HECW2: variants seen among roughly 807,000 people sequenced by gnomAD.
The protein encoded by HECW2 is E3 ubiquitin-protein ligase HECW2.
In HECW2, 61 loss-of-function variants were observed where a neutral mutation model predicts 175.2. The ratio of observed to expected loss-of-function variants is 0.35; its 90% CI spans 0.28 to 0.43. The LOEUF (loss-of-function observed/expected upper bound fraction) is 0.43. Ranked by LOEUF, HECW2 falls within the 20% of genes least tolerant of loss-of-function variation. The probability of loss-of-function intolerance (pLI) is 1.00; values close to 1 mark genes in which losing one functional copy is unlikely to be tolerated. For missense variants in HECW2, 1,524 were observed against 2,000.5 expected (o/e 0.76, Z 4.54); for synonymous variants, 671 against 731.0 (o/e 0.92, Z 1.32).
chr2:196,373,024 C>A (rs192106875), intron 2 of HECW2, among the ~76,000 whole-genome samples: 179 of 152,292 alleles, frequency 1.2e-3, no homozygotes, highest in African/African-American at 4.0e-3. Flanking sequence ...CAGCACACGA[C>A]CTGGTGCAGA....
At chr2:196,336,951 A>C (rs944384819) in intron 3 of HECW2, among the ~76,000 whole-genome samples, 1 of 152,074 alleles carries the variant, frequency 6.6e-6, no homozygotes, top group Non-Finnish European at 1.5e-5. Flanking sequence ...AGAGGAAAAC[A>C]GTCCTGGACA....
chr2:196,365,281 C>G (rs1266793742), intron 2 of HECW2, among the ~76,000 whole-genome samples: 2 of 152,202 alleles, frequency 1.3e-5, no homozygotes, highest in African/African-American at 4.8e-5. Context: ...TTCAGCAGTG[C>G]CTCCTCCACC....
chr2:196,406,133 T>C (rs1340028220), intron 2 of HECW2, among the ~76,000 whole-genome samples: 1 of 152,172 alleles, frequency 6.6e-6, no homozygotes, highest in Non-Finnish European at 1.5e-5. Flanking sequence ...TCCAGCTCCA[T>C]CTATGTGCCA....
At chr2:196,252,676 G>A (rs1037188105) in intron 19 of HECW2, among the ~76,000 whole-genome samples, 1 of 152,172 alleles carries the variant, frequency 6.6e-6, no homozygotes, top group Admixed American at 6.5e-5. Flanking sequence ...TGTACAGTCT[G>A]CAAAACCATA....
intron 2 of HECW2, among the ~76,000 whole-genome samples, chr2:196,403,065 C>T (rs113237923): frequency 1.3e-5 from 2 of 152,128 alleles, no homozygotes; most frequent in African/African-American, 4.8e-5. Flanking sequence ...CCTTGGCCTC[C>T]CAAGTGCTGG....
intron 2 of HECW2, among the ~76,000 whole-genome samples, chr2:196,404,971 T>A (rs979728178): frequency 6.9e-6 from 1 of 145,176 alleles, no homozygotes; most frequent in Non-Finnish European, 1.5e-5. Context: ...ACTACAGGTG[T>A]CCGCCACCAC....
intron 1 of HECW2, among the ~76,000 whole-genome samples, chr2:196,521,453 CATTTT>C (rs534367173): frequency 4.2e-4 from 63 of 151,794 alleles, no homozygotes; most frequent in South Asian, 1.9e-3. Context: ...TGAATCCCTT[CATTTT>C]ATTTTATTTT....
At chr2:196,496,669 A>T (rs1362107295) in intron 1 of HECW2, among the ~76,000 whole-genome samples, 1 of 152,204 alleles carries the variant, frequency 6.6e-6, no homozygotes, top group African/African-American at 2.4e-5. Context: ...CAAGCAGCTT[A>T]TGTTGCTTTA....
In HECW2 at chr2:196,245,231, A is replaced by G. The variant is rs1688603319; in HGVS notation, c.3530-3027T>C. On this transcript the variant is annotated intron_variant, in intron 19 of 28. Coordinates refer to ENST00000644978, the MANE Select transcript of HECW2 (RefSeq NM_001348768.2). ...ACTTGTTAAGCGCCTGCTGTACATTACAGATGATGCACGTTACACAGGGGA... is the reference window on the plus strand; with the variant it reads ...ACTTGTTAAGCGCCTGCTGTACATTGCAGATGATGCACGTTACACAGGGGA... 2.0e-5 allele frequency among the ~76,000 whole-genome samples: 3 copies of G among 152,260 alleles called. No homozygotes were observed. In the South Asian group the frequency reaches 6.2e-4, roughly 32 times the overall value.
chr2:196,273,235 T>G (rs1291522018), intron 16 of HECW2, among the ~76,000 whole-genome samples: 1 of 151,972 alleles, frequency 6.6e-6, no homozygotes, highest in Non-Finnish European at 1.5e-5. Flanking sequence ...GCCTGGCTAA[T>G]TTTTTGTATT....
chr2:196,212,151 A>G (rs889269356), intron 28 of HECW2, among the ~76,000 whole-genome samples: 1 of 149,770 alleles, frequency 6.7e-6, no homozygotes, highest in Admixed American at 6.6e-5. Context: ...TTCATTTTTT[A>G]AGTAAGAAGG....
intron 1 of HECW2, among the ~76,000 whole-genome samples, chr2:196,527,220 G>C (rs141301349): frequency 6.6e-6 from 1 of 152,182 alleles, no homozygotes; most frequent in African/African-American, 2.4e-5. Flanking sequence ...CGCAATATTC[G>C]GGTGGGAGTG....
chr2:196,450,846 G>A (rs1696326026), intron 1 of HECW2, among the ~76,000 whole-genome samples: 1 of 152,048 alleles, frequency 6.6e-6, no homozygotes, highest in African/African-American at 2.4e-5. Context: ...GAGAACTGCT[G>A]ACATAAGAAA....
chr2:196,205,885 CA>C (rs1248214053), intron 28 of HECW2, among the ~76,000 whole-genome samples: 4 of 152,060 alleles, frequency 2.6e-5, no homozygotes, highest in Non-Finnish European at 5.9e-5. Context: ...GCAGAAATTT[CA>C]AAACTCCTTA....
At chr2:196,516,659 T>A (rs1688159972) in intron 1 of HECW2, among the ~76,000 whole-genome samples, 1 of 152,212 alleles carries the variant, frequency 6.6e-6, no homozygotes, top group African/African-American at 2.4e-5. Context: ...AAAATATTGA[T>A]CTACCCCAAA....
At chr2:196,525,475 A>G (rs1375775130) in intron 1 of HECW2, among the ~76,000 whole-genome samples, 1 of 148,968 alleles carries the variant, frequency 6.7e-6, no homozygotes, top group African/African-American at 2.5e-5. Flanking sequence ...TAGTCCATTT[A>G]CATTTAAAGT....
At chr2:196,411,777 G>A (rs930768795) in intron 2 of HECW2, among the ~76,000 whole-genome samples, 3 of 152,226 alleles carry the variant, frequency 2.0e-5, no homozygotes, top group South Asian at 4.1e-4. Context: ...TTGGGAGGCC[G>A]AGGTGGGCAG....
intron 19 of HECW2, among the ~76,000 whole-genome samples, chr2:196,248,603 C>G (rs11683742): frequency 4.1e-5 from 4 of 98,460 alleles, no homozygotes; most frequent in South Asian, 8.3e-4. Flanking sequence ...GACAGACACA[C>G]ACACACACAC....
chr2:196,577,292 A>G (rs978255553), intron 1 of HECW2, among the ~76,000 whole-genome samples: 1 of 152,184 alleles, frequency 6.6e-6, no homozygotes, highest in African/African-American at 2.4e-5. Context: ...AGTTTCTATT[A>G]TAACTTCTAA....
Sources: gnomAD v4.1 joint callset for allele counts (sites outside exome capture counted in the v4.1 genomes callset) on GRCh38, gnomAD v4.1.1 for gene constraint, MANE v1.5 for transcripts, NCBI Gene and HGNC (gene_info 2026-07-23, HGNC 2026-07-21) for gene names.